PNPT1: variants seen among roughly 807,000 people sequenced by gnomAD.
PNPT1 encodes the protein polyribonucleotide nucleotidyltransferase 1, mitochondrial.
In PNPT1, 53 loss-of-function variants were observed where a neutral mutation model predicts 119.5. The observed-to-expected ratio is 0.44, with a 90% CI of 0.36 to 0.56. The LOEUF (loss-of-function observed/expected upper bound fraction) is 0.56, where lower values mean the gene tolerates loss of function less well. Among genes scored for constraint, PNPT1 ranks in the 20% least tolerant of loss-of-function variants. The pLI is 0.00. For missense variants in PNPT1, 948 were observed against 938.5 expected (o/e 1.01, Z -0.13); for synonymous variants, 357 against 322.1 (o/e 1.11, Z -1.16).
Position 55,656,324 on chromosome 2 carries a change from A to G in PNPT1, c.1332T>C (p.Asn444=), listed in dbSNP as rs1417665541. Reference sequence around the variant, plus strand: ...ACTTACCATGCCCAAGTTCTCTTCTATTTAAACCAGTGACTTTGCCAATTT... The same window carrying G: ...ACTTACCATGCCCAAGTTCTCTTCTGTTTAAACCAGTGACTTTGCCAATTT... ...TNEIGKVTGL[N]RRELGHGALA... is the part of the protein sequence containing the mutation. The change falls in exon 16 of 28, where the codon AAT becomes AAC. Residue 444 remains asparagine, a synonymous_variant. Coordinates refer to ENST00000447944, the MANE Select transcript of PNPT1 (RefSeq NM_033109.5). 9.9e-6 allele frequency: 16 copies of G among 1,611,264 alleles called. No homozygotes were observed. Among genetic ancestry groups the G allele is most frequent in the Non-Finnish European group, 1.3e-5 (15 of 1,179,110 alleles).
In PNPT1 at chr2:55,672,172, T is replaced by C. The variant is rs529252209; in HGVS notation, c.867-126A>G. 36 of 704,410 alleles carry C rather than the reference T, an allele frequency of 5.1e-5. 1 individual carries two copies. The highest frequency in any genetic ancestry group is 2.8e-4 in the South Asian group (13 of 45,680). The allele number at this position is 704,410 out of a possible 1,614,324, so 43.6% of individuals were successfully genotyped here. ...ACTTTAATAAATACTTCAGAAAGAA[T>C]TGAAAATTTATATTGCTATTTATCA... is the stretch of plus-strand genomic sequence containing the variant. On this transcript the variant is annotated intron_variant, in intron 9 of 27. Coordinates refer to ENST00000447944, the MANE Select transcript of PNPT1 (RefSeq NM_033109.5).
chr2:55,645,260 G>A, intron 22 of PNPT1, 89 bp downstream of exon 22: 1 of 795,446 alleles, frequency 1.3e-6, no homozygotes, highest in Non-Finnish European at 2.1e-6. Context: ...TCCTGACCTT[G>A]TGATCCGCTC....
At chr2:55,667,542 CGA>C (rs1273203796) in intron 12 of PNPT1, among the ~76,000 whole-genome samples, 1 of 150,954 alleles carries the variant, frequency 6.6e-6, no homozygotes, top group Admixed American at 6.6e-5. Flanking sequence ...TGCAGTGAGC[CGA>C]GATTGCACTC....
At chr2:55,686,524 C>T (rs1226362509) in intron 2 of PNPT1, 80 bp from the exon 3 acceptor site, 4 of 1,024,640 alleles carry the variant, frequency 3.9e-6, no homozygotes, top group Non-Finnish European at 5.8e-6. Flanking sequence ...TAAATCCTTA[C>T]TCCAATTAAA....
intron 18 of PNPT1, among the ~76,000 whole-genome samples, chr2:55,649,641 T>C (rs953608235): frequency 1.8e-4 from 27 of 152,212 alleles, no homozygotes; most frequent in Admixed American, 9.8e-4. Flanking sequence ...TGGGAAAAAC[T>C]GTTTGGAAAA....
intron 15 of PNPT1, 63 bp downstream of exon 15, chr2:55,660,094 A>G: frequency 6.8e-7 from 1 of 1,464,618 alleles, no homozygotes. Flanking sequence ...ACAGGGTGAG[A>G]CCTCGTCTCA....
At chr2:55,691,468 A>G (rs1046598820) in intron 1 of PNPT1, among the ~76,000 whole-genome samples, 5 of 152,248 alleles carry the variant, frequency 3.3e-5, no homozygotes, top group Non-Finnish European at 7.3e-5. Context: ...GAATTTATCC[A>G]GCAGGTATGA....
chr2:55,692,256 A>G (rs1697640915), intron 1 of PNPT1, among the ~76,000 whole-genome samples: 3 of 152,178 alleles, frequency 2.0e-5, no homozygotes, highest in South Asian at 4.1e-4. Flanking sequence ...CCTAATATAT[A>G]TATTATCTGG....
intron 1 of PNPT1, among the ~76,000 whole-genome samples, chr2:55,691,878 ATTTTTTT>A (rs1227966046): frequency 2.4e-4 from 8 of 33,112 alleles, no homozygotes; most frequent in East Asian, 1.1e-3. Flanking sequence ...ATATATATAT[ATTTTTTT>A]TTTTTTTTTT....
chr2:55,674,014 C>T (rs191009283), intron 8 of PNPT1, among the ~76,000 whole-genome samples: 1 of 152,296 alleles, frequency 6.6e-6, no homozygotes, highest in African/African-American at 2.4e-5. Context: ...TGAGCCACCG[C>T]TCCTGGCAAT....
chr2:55,667,020 A>T lies in PNPT1; in HGVS notation c.1147T>A (p.Ser383Thr), dbSNP rs767953053. The change falls in exon 13 of 28, where the codon TCA becomes ACA. Residue 383 changes from serine to threonine, a missense_variant. Coordinates refer to ENST00000447944, the MANE Select transcript of PNPT1 (RefSeq NM_033109.5). ...GTTTGTCCTCTTTGAAATAATGCTG[A>T]TCCATGAAGGGTTTTAAACATATCT... is the stretch of plus-strand genomic sequence containing the variant. ...EVDMFKTLHG[S>T]ALFQRGQTQV... 3 of 1,600,622 alleles carry T rather than the reference A, an allele frequency of 1.9e-6. No homozygotes were observed. Among genetic ancestry groups the T allele is most frequent in the Non-Finnish European group, 2.6e-6 (3 of 1,175,720 alleles).
At chr2:55,646,845 T>C (rs1696019557) in intron 19 of PNPT1, among the ~76,000 whole-genome samples, 1 of 152,164 alleles carries the variant, frequency 6.6e-6, no homozygotes, top group Non-Finnish European at 1.5e-5. Context: ...TTTATTTTAT[T>C]TTACTTATTT....
intron 1 of PNPT1, among the ~76,000 whole-genome samples, chr2:55,689,365 A>C (rs993194304): frequency 4.6e-5 from 7 of 152,242 alleles, no homozygotes; most frequent in Non-Finnish European, 8.8e-5. Context: ...TCAGGGAAAT[A>C]CAAATCCAAA....
chr2:55,661,281 C>A (rs868279449), intron 14 of PNPT1, among the ~76,000 whole-genome samples: 3 of 151,544 alleles, frequency 2.0e-5, no homozygotes, highest in African/African-American at 4.8e-5. Flanking sequence ...TCAGTAGGGA[C>A]GGAATTTCAC....
chr2:55,669,931 G>A (rs903264675), intron 11 of PNPT1, among the ~76,000 whole-genome samples: 1 of 151,636 alleles, frequency 6.6e-6, no homozygotes, highest in African/African-American at 2.4e-5. Context: ...CCTAATTTTT[G>A]TATTTTTGGT....
Position 55,687,705 on chromosome 2 carries a change from C to T in PNPT1, c.162G>A (p.Arg54=), listed in dbSNP as rs571532949. ...GCTTTCCAGAAGATATTTCTAATTT[C>T]CTGTTTAAAAATAAAAATGCAATAC... ...SRAVAVDLGN[R]KLEISSGKLA... The change falls in exon 2 of 28, where the codon AGG becomes AGA. Residue 54 remains arginine, a splice_region_variant and synonymous_variant. Coordinates refer to ENST00000447944, the MANE Select transcript of PNPT1 (RefSeq NM_033109.5). The T allele has an allele frequency of 2.0e-5, 32 of 1,600,876 alleles. No homozygotes were observed. The highest frequency in any genetic ancestry group is 1.2e-4 in the Admixed American group (7 of 57,628).
intron 8 of PNPT1, among the ~76,000 whole-genome samples, chr2:55,677,033 TGCATCTTTA>T (rs1697094916): frequency 6.6e-6 from 1 of 152,226 alleles, no homozygotes; most frequent in African/African-American, 2.4e-5. Flanking sequence ...GCATATTTGA[TGCATCTTTA>T]TGAAAGCAGA....
At chr2:55,652,600 G>C (rs1327986439) in intron 18 of PNPT1, among the ~76,000 whole-genome samples, 2 of 152,144 alleles carry the variant, frequency 1.3e-5, no homozygotes, top group Non-Finnish European at 2.9e-5. Flanking sequence ...CTGTTGATCA[G>C]ATTAAGCAGT....
chr2:55,637,489 A>G, intron 27 of PNPT1, 63 bp downstream of exon 27: 2 of 1,458,966 alleles, frequency 1.4e-6, no homozygotes, highest in Non-Finnish European at 1.9e-6. Flanking sequence ...ACTTTTTGAA[A>G]AAAACAATGG....
Sources: gnomAD v4.1 joint callset for allele counts (sites outside exome capture counted in the v4.1 genomes callset) on GRCh38, gnomAD v4.1.1 for gene constraint, MANE v1.5 for transcripts, NCBI Gene and HGNC (gene_info 2026-07-23, HGNC 2026-07-21) for gene names.